Variants in NAALADL2 observed in about 807,000 individuals in gnomAD.
The protein encoded by NAALADL2 is inactive N-acetylated-alpha-linked acidic dipeptidase-like protein 2.
Under a neutral mutation model 87.2 loss-of-function variants are expected in NAALADL2, and 76 were observed. The ratio of observed to expected loss-of-function variants is 0.87; its 90% confidence interval spans 0.72 to 1.05. The LOEUF (loss-of-function observed/expected upper bound fraction) is 1.05. NAALADL2 is among the 50% of genes least tolerant of loss of function. The pLI is 0.00. For missense variants in NAALADL2, 1,089 were observed against 945.8 expected, an observed-to-expected ratio of 1.15 and a Z score of -1.99; for synonymous variants, 354 against 331.0, an observed-to-expected ratio of 1.07 and a Z score of -0.75.
chr3:174,800,858 T>C (rs949437448), intron 3 of NAALADL2, among the ~76,000 whole-genome samples: 2 of 152,166 alleles, frequency 1.3e-5, no homozygotes, highest in East Asian at 1.9e-4. Flanking sequence ...GGAGATCATT[T>C]TGGAGCTTTA....
At chr3:175,690,599 TAGAG>T (rs1298994408) in intron 11 of NAALADL2, among the ~76,000 whole-genome samples, 2 of 151,990 alleles carry the variant, frequency 1.3e-5, no homozygotes, top group Non-Finnish European at 2.9e-5. Context: ...AACAATTAGA[TAGAG>T]AGTTAAATTC....
chr3:174,881,677 T>G (rs750639645), intron 1 of NAALADL2, among the ~76,000 whole-genome samples: 2 of 152,122 alleles, frequency 1.3e-5, no homozygotes, highest in Non-Finnish European at 1.5e-5. Context: ...GTTTGAGTAT[T>G]TACCTGTTTT....
chr3:175,666,804 G>A (rs1733062188), intron 11 of NAALADL2, among the ~76,000 whole-genome samples: 1 of 149,098 alleles, frequency 6.7e-6, no homozygotes, highest in Non-Finnish European at 1.5e-5. Context: ...CAAATGAGTG[G>A]GTAGATAAAA....
chr3:175,150,272 A>G (rs911874562), intron 2 of NAALADL2, among the ~76,000 whole-genome samples: 21 of 152,140 alleles, frequency 1.4e-4, no homozygotes, highest in African/African-American at 4.8e-4. Context: ...AGCCTATTAC[A>G]AATAAAATTT....
At chr3:175,329,104 T>G (rs1761100980) in intron 5 of NAALADL2, among the ~76,000 whole-genome samples, 3 of 152,246 alleles carry the variant, frequency 2.0e-5, no homozygotes, top group Non-Finnish European at 4.4e-5. Context: ...ACTGGTAATC[T>G]ATTTACTACC....
intron 1 of NAALADL2, among the ~76,000 whole-genome samples, chr3:175,019,765 G>A (rs928894834): frequency 6.6e-6 from 1 of 151,982 alleles, no homozygotes; most frequent in Non-Finnish European, 1.5e-5. Flanking sequence ...TAAGCTTGCA[G>A]TATATTATGC....
intron 2 of NAALADL2, among the ~76,000 whole-genome samples, chr3:175,218,464 T>A (rs1327740514): frequency 6.7e-6 from 1 of 148,682 alleles, no homozygotes; most frequent in East Asian, 1.9e-4. Context: ...TGCTTTTGTT[T>A]TAAACTCTTT....
intron 9 of NAALADL2, among the ~76,000 whole-genome samples, chr3:175,500,673 A>C (rs935050186): frequency 6.6e-6 from 1 of 152,082 alleles, no homozygotes; most frequent in Non-Finnish European, 1.5e-5. Flanking sequence ...AAGTACTTTA[A>C]TCTTCTTAAC....
At chr3:175,306,582 C>T (rs896618148) in intron 4 of NAALADL2, among the ~76,000 whole-genome samples, 12 of 152,138 alleles carry the variant, frequency 7.9e-5, no homozygotes, top group South Asian at 2.1e-4. Flanking sequence ...GAGGCTGAGG[C>T]GGGCAGATCA....
At chr3:174,553,052 T>G (rs1712340459) in intron 2 of NAALADL2, among the ~76,000 whole-genome samples, 1 of 152,156 alleles carries the variant, frequency 6.6e-6, no homozygotes, top group Non-Finnish European at 1.5e-5. Context: ...CACTGTTGTT[T>G]TTGACTATGG....
chr3:175,423,601 A>C (rs1349131869), intron 5 of NAALADL2, among the ~76,000 whole-genome samples: 1 of 152,014 alleles, frequency 6.6e-6, no homozygotes, highest in Non-Finnish European at 1.5e-5. Flanking sequence ...TGAACTCATC[A>C]TTTTTTATGG....
intron 2 of NAALADL2, among the ~76,000 whole-genome samples, chr3:175,153,005 C>A (rs1731772892): frequency 6.6e-6 from 1 of 152,076 alleles, no homozygotes; most frequent in Non-Finnish European, 1.5e-5. Flanking sequence ...AAAAATTACA[C>A]ATTCATAAGT....
chr3:175,483,794 G>A (rs1344173190), intron 9 of NAALADL2, among the ~76,000 whole-genome samples: 2 of 152,070 alleles, frequency 1.3e-5, no homozygotes, highest in Non-Finnish European at 2.9e-5. Flanking sequence ...GAATAGAAGG[G>A]AAAATAAGTA....
intron 4 of NAALADL2, among the ~76,000 whole-genome samples, chr3:175,294,729 C>T (rs1167047805): frequency 6.6e-6 from 1 of 152,154 alleles, no homozygotes; most frequent in African/African-American, 2.4e-5. Context: ...TATAGACAAC[C>T]TTCTAATGGC....
At chr3:174,848,108 A>G (rs1579188208) in intron 3 of NAALADL2, among the ~76,000 whole-genome samples, 1 of 151,552 alleles carries the variant, frequency 6.6e-6, no homozygotes, top group East Asian at 1.9e-4. Context: ...TCGCTGTGAT[A>G]TGCTATTTAT....
In NAALADL2 at chr3:174,688,896, A is replaced by G. The variant is rs577599188; in HGVS notation, c.-114-48745A>G. 2.0e-5 allele frequency among the ~76,000 whole-genome samples: 3 copies of G among 152,060 alleles called. No homozygotes were observed. The East Asian group carries it at 5.8e-4, about 29-fold the overall frequency. On this transcript the variant is annotated intron_variant, in intron 2 of 3. Coordinates refer to the NAALADL2 transcript ENST00000434257. ...AGATGGTATTTTGTGGGGCCAAAAA[A>G]TTAATTTTGGAGTTTGAATATAACA...
chr3:174,457,791 A>G (rs1189922402), intron 1 of NAALADL2, among the ~76,000 whole-genome samples: 1 of 151,740 alleles, frequency 6.6e-6, no homozygotes, highest in East Asian at 2.0e-4. Context: ...AGCCTGGGTG[A>G]CAGGGTGAGA....
chr3:174,473,001 G>T lies in NAALADL2; in HGVS notation c.-184+31969G>T, dbSNP rs548835906. ...ATGACTTCGTAGATTTCTTCTGACA[G>T]AAGCATTTGTTGATGTGGTATAGTA... On this transcript the variant is annotated intron_variant, in intron 1 of 3. Transcript: ENST00000434257. Among the ~76,000 whole-genome samples the T allele has an allele frequency of 2.6e-5, 4 of 152,304 alleles. No homozygotes were observed. In the South Asian group the frequency reaches 8.3e-4, roughly 32 times the overall value.
chr3:174,593,050 A>C (rs1437391568), intron 2 of NAALADL2, among the ~76,000 whole-genome samples: 1 of 152,138 alleles, frequency 6.6e-6, no homozygotes, highest in Non-Finnish European at 1.5e-5. Context: ...ATGAGCATGG[A>C]GACTATTCAG....
Sources: allele counts gnomAD v4.1 joint callset (sites outside exome capture counted in the v4.1 genomes callset), GRCh38; gene constraint gnomAD v4.1.1; transcripts MANE v1.5; gene names NCBI Gene and HGNC (gene_info 2026-07-23, HGNC 2026-07-21).